The following COBLL1 variants were observed in gnomAD, a reference collection of about 807,000 sequenced individuals.
The protein encoded by COBLL1 is cordon-bleu protein-like 1.
Under a neutral mutation model 94.8 loss-of-function variants are expected in COBLL1, and 50 were observed. That is an observed-to-expected ratio of 0.53 (90% CI 0.42 to 0.67). The LOEUF is 0.67. Among genes scored for constraint, COBLL1 ranks in the 30% least tolerant of loss-of-function variants. The pLI is 0.00. For missense variants in COBLL1, 1,362 were observed against 1,348.7 expected, an observed-to-expected ratio of 1.01 and a Z score of -0.15; for synonymous variants, 448 against 473.8, an observed-to-expected ratio of 0.95 and a Z score of 0.71.
chr2:164,726,527 A>C (rs1025227956), intron 5 of COBLL1, among the ~76,000 whole-genome samples: 44 of 152,286 alleles, frequency 2.9e-4, no homozygotes, highest in African/African-American at 1.0e-3. Flanking sequence ...AAAAAATCAC[A>C]TACCATAACC....
chr2:164,730,333 T>TAA (rs111508553), intron 3 of COBLL1, among the ~76,000 whole-genome samples: 17,321 of 143,596 alleles, frequency 0.12, 1,175 homozygotes, highest in Non-Finnish European at 0.15. Context: ...CTACAAAAAA[T>TAA]AAAAAAAAAA....
At chr2:164,764,787 A>G (rs1391189663) in intron 2 of COBLL1, among the ~76,000 whole-genome samples, 1 of 152,238 alleles carries the variant, frequency 6.6e-6, no homozygotes, top group East Asian at 1.9e-4. Flanking sequence ...GTATTGAAAC[A>G]TAACATTTAT....
At chr2:164,677,791 T>C (rs1002540341), downstream of COBLL1, among the ~76,000 whole-genome samples, 6 of 152,166 alleles carry the variant, frequency 3.9e-5, no homozygotes, top group African/African-American at 1.4e-4. Context: ...AGGGCTAAGA[T>C]CTAGATCTAG....
At chr2:164,729,510 C>CA (rs2105518472) in intron 4 of COBLL1, among the ~76,000 whole-genome samples, 1 of 150,640 alleles carries the variant, frequency 6.6e-6, no homozygotes, top group East Asian at 1.9e-4. Flanking sequence ...GAAAAAAAAA[C>CA]AAAAACACAC....
At chr2:164,810,232 A>T (rs964755976) in intron 2 of COBLL1, among the ~76,000 whole-genome samples, 13 of 150,768 alleles carry the variant, frequency 8.6e-5, no homozygotes, top group African/African-American at 2.9e-4. Context: ...ATATTTATGA[A>T]TTTTTTTTTC....
At chr2:164,707,655 T>A (rs1026994276) in intron 7 of COBLL1, among the ~76,000 whole-genome samples, 12 of 152,138 alleles carry the variant, frequency 7.9e-5, no homozygotes, top group African/African-American at 2.9e-4. Context: ...TCCAGAACCA[T>A]GTCTGGCTCA....
intron 11 of COBLL1, chr2:164,696,492 A>G (rs1209945729): frequency 2.0e-5 from 3 of 152,156 alleles, no homozygotes; most frequent in Non-Finnish European, 4.4e-5. Context: ...TAGTTATAAC[A>G]TGGGTGATTT....
chr2:164,695,597 T>C lies in COBLL1; in HGVS notation c.1795A>G (p.Thr599Ala), dbSNP rs1247860139. The change falls in exon 12 of 14, where the codon ACA becomes GCA. Residue 599 changes from threonine (T) to alanine (A), a missense_variant. Coordinates refer to ENST00000652658, the MANE Select transcript of COBLL1 (RefSeq NM_001365672.2). ...GTTGTCTGAATTGCTGCATCTTTTGTCTTTTCTGCACTGGGTTGATTCAGT... is the reference window on the plus strand; with the variant it reads ...GTTGTCTGAATTGCTGCATCTTTTGCCTTTTCTGCACTGGGTTGATTCAGT... ...QKLNQPSAEK[T>A]KDAAIQTTPS... 2.5e-6 allele frequency: 4 copies of C among 1,613,886 alleles called. No homozygotes were observed. In the African/African-American group the frequency reaches 5.3e-5, roughly 22 times the overall value.
At chr2:164,828,326 T>A (rs1685531368) in intron 2 of COBLL1, among the ~76,000 whole-genome samples, 1 of 152,208 alleles carries the variant, frequency 6.6e-6, no homozygotes, top group South Asian at 2.1e-4. Context: ...GGCCTTTTCC[T>A]TTTAGGGTTT....
chr2:164,744,631 G>A (rs546906757), intron 2 of COBLL1, among the ~76,000 whole-genome samples: 2 of 152,234 alleles, frequency 1.3e-5, no homozygotes, highest in African/African-American at 2.4e-5. Flanking sequence ...TCCAGCCTGC[G>A]CAACATGGTG....
chr2:164,780,664 C>T (rs1036901841), intron 2 of COBLL1, among the ~76,000 whole-genome samples: 2 of 152,258 alleles, frequency 1.3e-5, no homozygotes, highest in South Asian at 2.1e-4. Context: ...AGAGCTGCAG[C>T]GCTCCTATTT....
chr2:164,804,351 G>A (rs551429706), intron 2 of COBLL1, among the ~76,000 whole-genome samples: 29 of 152,020 alleles, frequency 1.9e-4, no homozygotes, highest in Non-Finnish European at 3.7e-4. Flanking sequence ...AACATGTGCT[G>A]CTGTATTCAT....
At position 164,750,723 on chromosome 2, in the gene COBLL1, C is replaced by T. The variant is rs139203773; in HGVS notation, c.42-6848G>A. The stretch of plus-strand genomic sequence containing the variant: ...CTGGCCTTCCAATGCATTGATGAAC[C>T]CAAATTCTTTTCCTTGGCTTGCAGG... On this transcript the variant is annotated intron_variant, in intron 2 of 13. Transcript: ENST00000652658. Among the ~76,000 whole-genome samples, 20 of 152,242 alleles carry T rather than the reference C, an allele frequency of 1.3e-4. No homozygotes were observed. In the East Asian group the frequency reaches 3.3e-3, roughly 25 times the overall value.
At position 164,680,585 on chromosome 2, in the gene COBLL1, A is replaced by G. The variant is rs1229248490; in HGVS notation, c.*5361T>C. On this transcript the variant is annotated 3_prime_UTR_variant, in exon 14 of 14. Transcript: ENST00000652658. ...GGGCCTGCTCACTTCTATTACTCATATGGCAGATTCTGCTTCTTCCTTCTT... is the reference window on the plus strand; with the variant it reads ...GGGCCTGCTCACTTCTATTACTCATGTGGCAGATTCTGCTTCTTCCTTCTT... 3 of 152,100 alleles carry G rather than the reference A, an allele frequency of 2.0e-5. No homozygotes were observed. The East Asian group carries it at 5.8e-4, about 29-fold the overall frequency. 9.4% of individuals were successfully genotyped at this position (152,100 alleles called of 1,614,324 possible).
chr2:164,805,327 CTCTCTCTCTCTA>C (rs1341446075), intron 2 of COBLL1, among the ~76,000 whole-genome samples: 1,166 of 26,296 alleles, frequency 0.044, 14 homozygotes, highest in Non-Finnish European at 0.057. Flanking sequence ...CTCTCTCTCT[CTCTCTCTCTCTA>C]TATATATATA....
chr2:164,743,862 C>T lies in COBLL1; in HGVS notation c.55G>A (p.Ala19Thr). The T allele has an allele frequency of 6.5e-7, 1 of 1,531,708 alleles. No homozygotes were observed. The highest frequency in any genetic ancestry group is 8.8e-7 in the Non-Finnish European group (1 of 1,136,486). The allele number at this position is 1,531,708 out of a possible 1,614,324, so 94.9% of individuals were successfully genotyped here. A position where few individuals can be genotyped will look rare whatever the true frequency, so the allele number is the denominator to read the frequency against. ...QDAPARRKPKAKAPLPPAETK... is the reference protein window; with the variant it reads ...QDAPARRKPKTKAPLPPAETK... ...TCAGCTGGAGGAAGTGGTGCCTTGG[C>T]TTTTGGTTTTCTCCTAAAATATAAA... The change falls in exon 3 of 14, where the codon GCC becomes ACC. Residue 19 changes from alanine (A) to threonine (T), a missense_variant. Ala to Thr is a moderately conservative substitution (Grantham distance 58, BLOSUM62 0). Coordinates refer to ENST00000652658, the MANE Select transcript of COBLL1 (RefSeq NM_001365672.2).
chr2:164,777,429 G>A (rs355885), intron 2 of COBLL1, among the ~76,000 whole-genome samples: 35,272 of 151,506 alleles, frequency 0.23, 4,737 homozygotes, highest in African/African-American at 0.37. Flanking sequence ...TTTTCTTTGC[G>A]TACCTTCCTA....
chr2:164,689,063 A>T (rs1428856509), intron 13 of COBLL1, among the ~76,000 whole-genome samples: 1 of 152,116 alleles, frequency 6.6e-6, no homozygotes, highest in African/African-American at 2.4e-5. Context: ...TAACATACTG[A>T]GCTTGATTTA....
intron 2 of COBLL1, among the ~76,000 whole-genome samples, chr2:164,658,023 C>T (rs758695471): frequency 4.1e-4 from 63 of 152,058 alleles, no homozygotes; most frequent in Non-Finnish European, 8.1e-4. Flanking sequence ...GTTTATATCC[C>T]GATCATTGTC....
Sources: allele counts gnomAD v4.1 joint callset (sites outside exome capture counted in the v4.1 genomes callset), GRCh38; gene constraint gnomAD v4.1.1; transcripts MANE v1.5; gene names NCBI Gene and HGNC (gene_info 2026-07-23, HGNC 2026-07-21).